The following LIMA1 variants were observed in gnomAD, a reference collection of about 807,000 sequenced individuals.
LIMA1 encodes the protein LIM domain and actin-binding protein 1.
A neutral mutation model predicts 62.6 loss-of-function variants in LIMA1; 52 were observed. The ratio of observed to expected loss-of-function variants is 0.83; its 90% CI spans 0.67 to 1.05. LIMA1 has a LOEUF of 1.05. Among genes scored for constraint, LIMA1 ranks in the 50% least tolerant of loss-of-function variants. The pLI, the probability that LIMA1 is intolerant of heterozygous loss-of-function variation, is 0.00. For synonymous variants in LIMA1, 302 were observed against 317.8 expected, an observed-to-expected ratio of 0.95 and a Z score of 0.53; for missense variants, 780 against 902.2, an observed-to-expected ratio of 0.86 and a Z score of 1.74.
At chr12:50,280,531 T>C (rs920076303) in intron 1 of LIMA1, among the ~76,000 whole-genome samples, 1 of 152,216 alleles carries the variant, frequency 6.6e-6, no homozygotes, top group Non-Finnish European at 1.5e-5. Flanking sequence ...TCATGTTAAC[T>C]TCTTATGAGT....
At chr12:50,219,859 A>C (rs759761940) in intron 4 of LIMA1, 4 of 151,728 alleles carry the variant, frequency 2.6e-5, no homozygotes, top group Non-Finnish European at 5.9e-5. Flanking sequence ...CTAATTTTTA[A>C]ATTTTTAGTA....
rs563600321 is a variant in LIMA1 at position 50,208,919 on chromosome 12, G to GTAA, written c.631-2854_631-2852dup. On this transcript the variant is annotated intron_variant, in intron 4 of 10. Coordinates refer to ENST00000341247, the MANE Select transcript of LIMA1 (RefSeq NM_016357.5). ...TGATGAGTAAGACCCTGCTCAAAAA[G>GTAA]TAATAATAATAATTTATATCCAGTC... is the stretch of plus-strand genomic sequence containing the variant. 1.3e-4 allele frequency among the ~76,000 whole-genome samples: 19 copies of GTAA among 151,344 alleles called. No individual in the cohort carries two copies. In the South Asian group the frequency reaches 3.8e-3, roughly 30 times the overall value.
At position 50,177,923 on chromosome 12, in the gene LIMA1, A is replaced by G. The variant is rs149114796; in HGVS notation, c.1421T>C (p.Ile474Thr). Residue 474 changes from isoleucine (I) to threonine (T), a missense_variant, in exon 11 of 11, where the codon ATT (isoleucine) becomes ACT (threonine). Coordinates refer to ENST00000341247, the MANE Select transcript of LIMA1 (RefSeq NM_016357.5). ...LWASKNENEE[I>T]LERPAQLANA... ...TGCAAGCTGGGCTGGTCTCTCCAAA[A>G]TCTCTTCGTTTTCATTTTTGCTTGC... is the stretch of plus-strand genomic sequence containing the variant. 17 of 1,613,718 alleles carry G rather than the reference A, an allele frequency of 1.1e-5. No individual in the cohort carries two copies. The African/African-American group carries it at 2.1e-4, about 20-fold the overall frequency.
intron 9 of LIMA1, among the ~76,000 whole-genome samples, chr12:50,182,363 G>A (rs1862044): frequency 1.3e-5 from 2 of 151,184 alleles, no homozygotes; most frequent in Non-Finnish European, 2.9e-5. Flanking sequence ...GGGGTCGGGG[G>A]GGGGAGTGCA....
At chr12:50,274,690 A>T (rs1815385870) in intron 1 of LIMA1, among the ~76,000 whole-genome samples, 1 of 152,202 alleles carries the variant, frequency 6.6e-6, no homozygotes, top group Non-Finnish European at 1.5e-5. Flanking sequence ...ATACAAAAAG[A>T]GTAACTGGAG....
At chr12:50,198,014 T>C (rs1356588784) in intron 7 of LIMA1, among the ~76,000 whole-genome samples, 2 of 152,248 alleles carry the variant, frequency 1.3e-5, no homozygotes, top group Non-Finnish European at 2.9e-5. Context: ...TATATGACCA[T>C]GTAACACATG....
chr12:50,179,259 A>G (rs1336008092), intron 10 of LIMA1, among the ~76,000 whole-genome samples: 15 of 151,946 alleles, frequency 9.9e-5, no homozygotes, highest in Non-Finnish European at 1.8e-4. Flanking sequence ...CTCCTACCTC[A>G]GCCTCCTGAG....
intron 4 of LIMA1, among the ~76,000 whole-genome samples, chr12:50,221,277 A>C (rs1023703891): frequency 6.6e-6 from 1 of 152,192 alleles, no homozygotes; most frequent in African/African-American, 2.4e-5. Context: ...TATATAGGAA[A>C]GTATGAGAAA....
intron 1 of LIMA1, among the ~76,000 whole-genome samples, chr12:50,271,679 C>A (rs781310932): frequency 7.9e-5 from 12 of 152,188 alleles, no homozygotes; most frequent in Non-Finnish European, 1.3e-4. Context: ...AAGACCATCA[C>A]GACAAAGCAC....
At chr12:50,223,099 C>T (rs1271693880) in intron 3 of LIMA1, among the ~76,000 whole-genome samples, 1 of 152,162 alleles carries the variant, frequency 6.6e-6, no homozygotes, top group African/African-American at 2.4e-5. Context: ...ACATAATTTA[C>T]ATGCATATGA....
chr12:50,261,040 A>AT (rs1394809506), intron 1 of LIMA1, among the ~76,000 whole-genome samples: 4 of 48,892 alleles, frequency 8.2e-5, no homozygotes, highest in African/African-American at 2.0e-4. Context: ...GCCATCTAGT[A>AT]TATTTTTTTT....
chr12:50,231,602 G>A (rs1205652129), intron 3 of LIMA1, 63 bp downstream of exon 3: 5 of 1,470,946 alleles, frequency 3.4e-6, no homozygotes, highest in African/African-American at 1.4e-5. Context: ...GAGGCTGCAG[G>A]TGGCTTGGCC....
At chr12:50,261,015 G>T (rs1468719102) in intron 1 of LIMA1, among the ~76,000 whole-genome samples, 18 of 71,854 alleles carry the variant, frequency 2.5e-4, no homozygotes, top group Middle Eastern at 8.1e-3. Context: ...TGCTTTTTTT[G>T]TCTTTTGCTT....
chr12:50,182,065 C>A, intron 9 of LIMA1, 28 bp from the exon 10 acceptor site: 1 of 1,611,948 alleles, frequency 6.2e-7, no homozygotes, highest in Non-Finnish European at 8.5e-7. Flanking sequence ...ACAACTTTAG[C>A]ATGGGCAGCG....
intron 3 of LIMA1, among the ~76,000 whole-genome samples, chr12:50,225,680 G>A (rs1372231943): frequency 6.6e-6 from 1 of 152,114 alleles, no homozygotes; most frequent in Non-Finnish European, 1.5e-5. Context: ...AGCCTCTCAA[G>A]TAGCTGGGCT....
At position 50,204,545 on chromosome 12, in the gene LIMA1, C is replaced by T. The variant is rs373583738; in HGVS notation, c.864+7G>A. Reference sequence around the variant, plus strand: ...GAATGAATGAATGAATGATGCAGAACACATACTGTATAGTTGGTTGAGCTG... The same window carrying T: ...GAATGAATGAATGAATGATGCAGAATACATACTGTATAGTTGGTTGAGCTG... On this transcript the variant is annotated splice_region_variant and intron_variant, in intron 6 of 10. Transcript: ENST00000341247. The T allele has an allele frequency of 2.5e-6, 4 of 1,612,894 alleles. No homozygotes were observed. In the African/African-American group the frequency reaches 4.0e-5, roughly 16 times the overall value.
At chr12:50,185,270 G>A (rs1392626455) in intron 9 of LIMA1, 1 of 420,610 alleles carries the variant, frequency 2.4e-6, no homozygotes, top group East Asian at 7.1e-5. Flanking sequence ...GGAACTGAAG[G>A]ACGCAGAGCA....
chr12:50,192,557 G>A lies in LIMA1; in HGVS notation c.1035C>T (p.Asp345=), dbSNP rs776410710. The part of the protein sequence containing the change: ...RSTPAEDDSR[D]SQVKSEVQQP... ...GTTGAACCTCACTCTTAACCTGGGA[G>A]TCACCTGCTTGAGTTACAAAAGGAA... The change falls in exon 9 of 11, where the codon GAC becomes GAT. Residue 345 remains aspartate, a synonymous_variant. Coordinates refer to ENST00000341247, the MANE Select transcript of LIMA1 (RefSeq NM_016357.5). The A allele has an allele frequency of 5.6e-6, 9 of 1,608,682 alleles. No individual in the cohort carries two copies. The South Asian group carries it at 9.9e-5, about 18-fold the overall frequency.
Position 50,274,362 on chromosome 12 carries a change from G to A in LIMA1, c.-24+9058C>T, listed in dbSNP as rs538524964. On this transcript the variant is annotated intron_variant, in intron 1 of 10. Coordinates refer to ENST00000341247, the MANE Select transcript of LIMA1 (RefSeq NM_016357.5). ...GCACTTTGAGAGGCCAAGGCAGGCG[G>A]ATAATGAGGTCGAGAGATGCAGACC... is the stretch of plus-strand genomic sequence containing the variant. Among the ~76,000 whole-genome samples the A allele has an allele frequency of 2.5e-4, 38 of 152,286 alleles. No individual in the cohort carries two copies. The South Asian group carries it at 3.3e-3, about 13-fold the overall frequency.
Sources: allele counts gnomAD v4.1 joint callset (sites outside exome capture counted in the v4.1 genomes callset), GRCh38; gene constraint gnomAD v4.1.1; transcripts MANE v1.5; gene names NCBI Gene and HGNC (gene_info 2026-07-23, HGNC 2026-07-21).